The following SLITRK6 variants were observed in gnomAD, a reference collection of about 807,000 sequenced individuals.
The protein encoded by SLITRK6 is SLIT and NTRK-like protein 6.
In SLITRK6, 35 loss-of-function variants were observed where a neutral mutation model predicts 55.6. The observed-to-expected ratio is 0.63, with a 90% CI of 0.48 to 0.83. The LOEUF (loss-of-function observed/expected upper bound fraction) is 0.83. Ranked by LOEUF, SLITRK6 falls within the 40% of genes least tolerant of loss-of-function variation. The pLI is 0.00. For missense variants in SLITRK6, 977 were observed against 986.4 expected, an observed-to-expected ratio of 0.99 and a Z score of 0.13; for synonymous variants, 392 against 359.6, an observed-to-expected ratio of 1.09 and a Z score of -1.02.
At chr13:85,796,918 T>C (rs549651018) in intron 1 of SLITRK6, among the ~76,000 whole-genome samples, 4 of 151,940 alleles carry the variant, frequency 2.6e-5, no homozygotes, top group Non-Finnish European at 4.4e-5. Flanking sequence ...TTTAACCTTA[T>C]GGTCATACAT....
chr13:85,797,567 A>G (rs565833304), intron 1 of SLITRK6, among the ~76,000 whole-genome samples: 3 of 151,928 alleles, frequency 2.0e-5, no homozygotes, highest in African/African-American at 4.8e-5. Flanking sequence ...CACATAATTA[A>G]GCAGCTTTAA....
rs1019837602 is a variant in SLITRK6 at position 85,796,427 on chromosome 13, T to C, written c.82A>G (p.Arg28Gly). The change falls in exon 2 of 2, where the codon AGA becomes GGA. Residue 28 changes from arginine to glycine, a missense_variant. Arg to Gly is a moderately radical substitution (Grantham distance 125). Coordinates refer to ENST00000647374, the MANE Select transcript of SLITRK6 (RefSeq NM_032229.3). The part of the protein sequence containing the change: ...LHSQTPVLSS[R>G]GSCDSLCNCE... ...TTGCAAAGAGAATCACAAGAGCCTCTGGATGAGAGCACTGGAGTTTGGGAG... is the reference window on the plus strand; with the variant it reads ...TTGCAAAGAGAATCACAAGAGCCTCCGGATGAGAGCACTGGAGTTTGGGAG... 4 of 1,611,140 alleles carry C rather than the reference T, an allele frequency of 2.5e-6. No homozygotes were observed. The African/African-American group carries it at 5.4e-5, about 22-fold the overall frequency.
At position 85,795,632 on chromosome 13, in the gene SLITRK6, CA is replaced by C. The variant is rs1566398461; in HGVS notation, c.876del (p.Asn292LysfsTer13). 4.3e-6 allele frequency: 7 copies of C among 1,613,030 alleles called. No homozygotes were observed. Among genetic ancestry groups the C allele is most frequent in the Non-Finnish European group, 5.9e-6 (7 of 1,179,414 alleles). On this transcript the variant is annotated frameshift_variant, in exon 2 of 2. Coordinates refer to ENST00000647374, the MANE Select transcript of SLITRK6 (RefSeq NM_032229.3). LOFTEE classifies it high-confidence loss of function. Reference protein sequence around the residue: ...SLHLAATSSINDSRMSTKTTS... With the variant: ...SLHLAATSSIXDSRMSTKTTS... Reference sequence around the variant, plus strand: ...GTGGTCTTAGTTGACATGCGACTATCATTTATTGAAGATGTTGCTGCCAGAT... The same window carrying C: ...GTGGTCTTAGTTGACATGCGACTATCTTTATTGAAGATGTTGCTGCCAGAT...
rs902310374 is a variant in SLITRK6, at chr13:85,793,133, A to C, written c.*850T>G. The C allele has an allele frequency of 1.6e-4, 24 of 152,404 alleles. No individual in the cohort carries two copies. The East Asian group carries it at 4.6e-3, about 29-fold the overall frequency. 9.4% of individuals were successfully genotyped at this position (152,404 alleles called of 1,614,324 possible). A position where few individuals can be genotyped will look rare whatever the true frequency, so the allele number is the denominator to read the frequency against. ...TTCAGATTTACAAAGAATTAAGCCT[A>C]TGAAATAAAGCAAACCCAATATATT... On this transcript the variant is annotated 3_prime_UTR_variant, in exon 2 of 2. Transcript: ENST00000647374.
chr13:85,799,134 A>T lies in SLITRK6; in HGVS notation c.-245T>A, dbSNP rs1874807428. The T allele has an allele frequency of 6.6e-6, 1 of 151,930 alleles. No individual in the cohort carries two copies. The highest frequency in any genetic ancestry group is 1.5e-5 in the Non-Finnish European group (1 of 67,978). The allele number at this position is 151,930 out of a possible 1,614,324, so 9.4% of individuals were successfully genotyped here. ...ATTGAAAATATTTCAAGCAGAGTGC[A>T]TACTAGAGCATCCTGAAGCAATTGT... On this transcript the variant is annotated 5_prime_UTR_variant, in exon 1 of 2. An upstream start codon of the reference 5' UTR is lost. Coordinates refer to ENST00000647374, the MANE Select transcript of SLITRK6 (RefSeq NM_032229.3).
In SLITRK6 at chr13:85,794,123, C is replaced by T. The variant is rs756219558; in HGVS notation, c.2386G>A (p.Glu796Lys). The change falls in exon 2 of 2, where the codon GAG becomes AAG. Residue 796 changes from glutamate (E) to lysine (K), a missense_variant. By Grantham distance (56) the Glu-to-Lys change is moderately conservative. Coordinates refer to ENST00000647374, the MANE Select transcript of SLITRK6 (RefSeq NM_032229.3). Reference protein sequence around the residue: ...MEAHYPGAHEELKLMETLMYS... With the variant: ...MEAHYPGAHEKLKLMETLMYS... ...ATTAATGTTTCCATTAACTTCAGCT[C>T]TTCGTGGGCTCCAGGATAATGTGCC... The T allele has an allele frequency of 1.2e-6, 2 of 1,613,072 alleles. No homozygotes were observed. Among genetic ancestry groups the T allele is most frequent in the Non-Finnish European group, 1.7e-6 (2 of 1,179,402 alleles).
chr13:85,797,108 C>A (rs965474725), intron 1 of SLITRK6, among the ~76,000 whole-genome samples: 4 of 150,614 alleles, frequency 2.7e-5, no homozygotes, highest in African/African-American at 9.8e-5. Flanking sequence ...CACACAATAA[C>A]ATCTAATAAC....
chr13:85,796,181 C>A lies in SLITRK6; in HGVS notation c.328G>T (p.Gly110Cys), dbSNP rs770216843. ...TGAAGTTGTTTCAGGAGGCCAAGGC[C>A]ATTAAATGCACCTATCTCAATATCT... ...IADIEIGAFN[G>C]LGLLKQLHIN... The change falls in exon 2 of 2, where the codon GGC (glycine) becomes TGC (cysteine). Residue 110 changes from glycine to cysteine, a missense_variant. Coordinates refer to ENST00000647374, the MANE Select transcript of SLITRK6 (RefSeq NM_032229.3). 1.9e-6 allele frequency: 3 copies of A among 1,612,810 alleles called. No individual in the cohort carries two copies. In the South Asian group the frequency reaches 3.3e-5, roughly 18 times the overall value.
At position 85,793,523 on chromosome 13, in the gene SLITRK6, C is replaced by T. The variant is rs1874605751; in HGVS notation, c.*460G>A. On this transcript the variant is annotated 3_prime_UTR_variant, in exon 2 of 2. Transcript: ENST00000647374. ...TTGCAAGAAAGTTAGGTATGTTTGA[C>T]AATACACATTTTTGAAGTACATACT... is the stretch of plus-strand genomic sequence containing the variant. 1 of 152,822 alleles carries T rather than the reference C, an allele frequency of 6.5e-6. No homozygotes were observed. The highest frequency in any genetic ancestry group is 1.9e-4 in the East Asian group (1 of 5,184). The allele number at this position is 152,822 out of a possible 1,614,324, so 9.5% of individuals were successfully genotyped here.
chr13:85,796,699 T>TTTTTTC (rs60397841), intron 1 of SLITRK6, among the ~76,000 whole-genome samples, 167 bp from the exon 2 acceptor site: 3 of 151,652 alleles, frequency 2.0e-5, no homozygotes, highest in Non-Finnish European at 4.4e-5. Flanking sequence ...TTTTTTTTTT[T>TTTTTTC]CCTAATACTC....
At position 85,795,654 on chromosome 13, in the gene SLITRK6, C is replaced by T; in HGVS notation, c.855G>A (p.Leu285=). The T allele has an allele frequency of 6.2e-7, 1 of 1,613,036 alleles. No homozygotes were observed. Among genetic ancestry groups the T allele is most frequent in the Non-Finnish European group, 8.5e-7 (1 of 1,179,428 alleles). The part of the protein sequence containing the change: ...EHEDPSGSLH[L]AATSSINDSR... ...TATCATTTATTGAAGATGTTGCTGC[C>T]AGATGTAATGATCCTGAAGGATCCT... The change falls in exon 2 of 2, where the codon CTG becomes CTA. Residue 285 remains leucine, a synonymous_variant. Coordinates refer to ENST00000647374, the MANE Select transcript of SLITRK6 (RefSeq NM_032229.3).
At position 85,794,032 on chromosome 13, in the gene SLITRK6, T is replaced by C; in HGVS notation, c.2477A>G (p.Asn826Ser). 1 of 1,611,686 alleles carries C rather than the reference T, an allele frequency of 6.2e-7. No homozygotes were observed. The highest frequency in any genetic ancestry group is 8.5e-7 in the Non-Finnish European group (1 of 1,178,864). The change falls in exon 2 of 2, where the codon AAT (asparagine) becomes AGT (serine). Residue 826 changes from asparagine to serine, a missense_variant. Coordinates refer to ENST00000647374, the MANE Select transcript of SLITRK6 (RefSeq NM_032229.3). ...TKNEYFELKA[N>S]LHAEPDYLEV... The stretch of plus-strand genomic sequence containing the variant: ...TAAATAGTCAGGTTCAGCATGTAAA[T>C]TAGCTTTAAGTTCAAAATACTCATT...
In SLITRK6 at chr13:85,794,647, A is replaced by G. The variant is rs202181583; in HGVS notation, c.1862T>C (p.Ile621Thr). The change falls in exon 2 of 2, where the codon ATT becomes ACT. Residue 621 changes from isoleucine to threonine, a missense_variant. Transcript: ENST00000647374. ...ILGLLIMFITIVFCAAGIVVL... is the reference protein window; with the variant it reads ...ILGLLIMFITTVFCAAGIVVL... The stretch of plus-strand genomic sequence containing the variant: ...CACTATCCCTGCAGCACAGAAAACA[A>G]TAGTGATGAACATAATCAGAAGTCC... 4.2e-5 allele frequency: 68 copies of G among 1,613,338 alleles called. No homozygotes were observed. The African/African-American group carries it at 6.4e-4, about 15-fold the overall frequency.
rs768314544 is a variant in SLITRK6, at chr13:85,796,086, C to T, written c.423G>A (p.Leu141=). 1.2e-5 allele frequency: 20 copies of T among 1,612,548 alleles called. No homozygotes were observed. The highest frequency in any genetic ancestry group is 1.6e-5 in the Non-Finnish European group (19 of 1,179,360). ...CTGTGATAAAATTGTTATCTGCTTG[C>T]AGGAATTCCAGGTTTTCCAGTCCAT... ...TFHGLENLEF[L]QADNNFITVI... Residue 141 remains leucine, a synonymous_variant, in exon 2 of 2, where the codon CTG becomes CTA. Transcript: ENST00000647374.
In SLITRK6 at chr13:85,794,095, T is replaced by C. The variant is rs1874622846; in HGVS notation, c.2414A>G (p.Tyr805Cys). ...EELKLMETLM[Y>C]SRPRKVLVEQ... ...CACTAATACCTTCCTTGGACGTGAG[T>C]ACATTAATGTTTCCATTAACTTCAG... Residue 805 changes from tyrosine to cysteine, a missense_variant, in exon 2 of 2, where the codon TAC (tyrosine) becomes TGC (cysteine). Tyr to Cys is a radical substitution (Grantham distance 194). Transcript: ENST00000647374. 6.2e-7 allele frequency: 1 copy of C among 1,613,102 alleles called. No individual in the cohort carries two copies. Among genetic ancestry groups the C allele is most frequent in the Non-Finnish European group, 8.5e-7 (1 of 1,179,366 alleles).
In SLITRK6 at chr13:85,792,809, G is replaced by T. The variant is rs981388086; in HGVS notation, c.*1174C>A. On this transcript the variant is annotated 3_prime_UTR_variant, in exon 2 of 2. Coordinates refer to ENST00000647374, the MANE Select transcript of SLITRK6 (RefSeq NM_032229.3). The stretch of plus-strand genomic sequence containing the variant: ...AAAGAGTTTTCATTTTAGTTTTATT[G>T]TAGTGAGTAGTATTTTTAATTTTCT... 6.6e-6 allele frequency: 1 copy of T among 152,002 alleles called. No individual in the cohort carries two copies. The highest frequency in any genetic ancestry group is 1.5e-5 in the Non-Finnish European group (1 of 67,744). The allele number at this position is 152,002 out of a possible 1,614,324, so 9.4% of individuals were successfully genotyped here.
intron 1 of SLITRK6, among the ~76,000 whole-genome samples, chr13:85,797,132 T>C (rs1874750372): frequency 6.8e-6 from 1 of 146,986 alleles, no homozygotes; most frequent in African/African-American, 2.5e-5. Context: ...GTCTGTGTTT[T>C]AACCTGCTTC....
Position 85,795,792 on chromosome 13 carries a change from C to G in SLITRK6, c.717G>C (p.Gln239His). 1 of 1,612,894 alleles carries G rather than the reference C, an allele frequency of 6.2e-7. No individual in the cohort carries two copies. Among genetic ancestry groups the G allele is most frequent in the Non-Finnish European group, 8.5e-7 (1 of 1,179,410 alleles). ...TGCAGACAACATCACCAATTATAGA[C>G]TGTGGAGGCATGTTCTCCAACCAAG... ...LKTWLENMPP[Q>H]SIIGDVVCNS... The change falls in exon 2 of 2, where the codon CAG becomes CAC. Residue 239 changes from glutamine (Q) to histidine (H), a missense_variant. Physicochemically the swap from Gln to His is conservative, Grantham distance 24. Coordinates refer to ENST00000647374, the MANE Select transcript of SLITRK6 (RefSeq NM_032229.3).
In SLITRK6 at chr13:85,795,554, T is replaced by C. The variant is rs1193566442; in HGVS notation, c.955A>G (p.Lys319Glu). 3.7e-6 allele frequency: 6 copies of C among 1,612,730 alleles called. No homozygotes were observed. The highest frequency in any genetic ancestry group is 1.7e-5 in the Admixed American group (1 of 59,822). Reference protein sequence around the residue: ...KAPGLIPYITKPSTQLPGPYC... With the variant: ...KAPGLIPYITEPSTQLPGPYC... ...GGTCCTGGAAGTTGAGTGGATGGCT[T>C]TGTAATATAAGGTATCAAACCTGGT... Residue 319 changes from lysine (K) to glutamate (E), a missense_variant, in exon 2 of 2, where the codon AAG becomes GAG. Physicochemically the swap from Lys to Glu is moderately conservative, Grantham distance 56 (BLOSUM62 1). Coordinates refer to ENST00000647374, the MANE Select transcript of SLITRK6 (RefSeq NM_032229.3).
Sources: allele counts gnomAD v4.1 joint callset (sites outside exome capture counted in the v4.1 genomes callset), GRCh38; gene constraint gnomAD v4.1.1; transcripts MANE v1.5; gene names NCBI Gene and HGNC (gene_info 2026-07-23, HGNC 2026-07-21).